MTMR2: variants seen among roughly 807,000 people sequenced by gnomAD.
MTMR2 encodes the protein myotubularin related protein 2.
In MTMR2, 55 loss-of-function variants were observed where a neutral mutation model predicts 86.9. That is an observed-to-expected ratio of 0.63 (90% CI 0.51 to 0.79). The LOEUF (loss-of-function observed/expected upper bound fraction) is 0.79. Ranked by LOEUF, MTMR2 falls within the 30% of genes least tolerant of loss-of-function variation. The pLI, the probability that MTMR2 is intolerant of heterozygous loss-of-function variation, is 0.00. For synonymous variants in MTMR2, 241 were observed against 266.8 expected, an observed-to-expected ratio of 0.90 and a Z score of 0.94; for missense variants, 659 against 772.3, an observed-to-expected ratio of 0.85 and a Z score of 1.74.
chr11:95,922,501 T>C (rs2135652935), intron 1 of MTMR2, among the ~76,000 whole-genome samples: 1 of 151,972 alleles, frequency 6.6e-6, no homozygotes, highest in Non-Finnish European at 1.5e-5. Context: ...ACGTGCAATA[T>C]ATATAATCAA....
chr11:95,857,389 G>T (rs1178796027), intron 7 of MTMR2, among the ~76,000 whole-genome samples, 163 bp downstream of exon 7: 2 of 152,060 alleles, frequency 1.3e-5, no homozygotes, highest in Non-Finnish European at 2.9e-5. Flanking sequence ...TAGGAAGAAT[G>T]ATATACTAAA....
intron 1 of MTMR2, among the ~76,000 whole-genome samples, chr11:95,912,371 CA>C (rs1369675867): frequency 6.6e-6 from 1 of 150,808 alleles, no homozygotes; most frequent in African/African-American, 2.4e-5. Context: ...ATGAAAAGAA[CA>C]AAAAAGTTTT....
At chr11:95,916,133 T>C (rs1866691348) in intron 1 of MTMR2, among the ~76,000 whole-genome samples, 1 of 152,106 alleles carries the variant, frequency 6.6e-6, no homozygotes, top group Admixed American at 6.6e-5. Context: ...CTGGCATAAG[T>C]GAAATATTGC....
intron 1 of MTMR2, among the ~76,000 whole-genome samples, chr11:95,891,425 T>C (rs1394432105): frequency 6.7e-6 from 1 of 149,400 alleles, no homozygotes; most frequent in Non-Finnish European, 1.5e-5. Flanking sequence ...CACTCCAGCC[T>C]GGGCAACAGA....
intron 2 of MTMR2, among the ~76,000 whole-genome samples, chr11:95,884,108 A>G (rs774527772): frequency 4.6e-5 from 7 of 152,208 alleles, no homozygotes; most frequent in Admixed American, 6.5e-5. Flanking sequence ...CATCACACAC[A>G]TAAGAGCCAA....
intron 1 of MTMR2, among the ~76,000 whole-genome samples, chr11:95,907,198 A>G (rs983439505): frequency 2.0e-5 from 3 of 152,166 alleles, no homozygotes; most frequent in African/African-American, 7.2e-5. Context: ...ACCAACCCCA[A>G]AGAAATACAA....
At chr11:95,854,868 G>T (rs1429106378) in intron 7 of MTMR2, among the ~76,000 whole-genome samples, 1 of 151,914 alleles carries the variant, frequency 6.6e-6, no homozygotes, top group Non-Finnish European at 1.5e-5. Flanking sequence ...GAGTGCAGTG[G>T]CATGCTCAGG....
chr11:95,849,159 C>A (rs1316298483), intron 9 of MTMR2, among the ~76,000 whole-genome samples: 1 of 151,938 alleles, frequency 6.6e-6, no homozygotes, highest in Non-Finnish European at 1.5e-5. Flanking sequence ...TTTCAATTTC[C>A]ACAATGCTAA....
At chr11:95,846,495 A>G (rs531251259) in intron 10 of MTMR2, among the ~76,000 whole-genome samples, 57 of 152,296 alleles carry the variant, frequency 3.7e-4, no homozygotes, top group African/African-American at 1.3e-3. Context: ...CTTATTTTGT[A>G]AAGAGGCTGG....
intron 2 of MTMR2, among the ~76,000 whole-genome samples, chr11:95,875,698 T>A (rs577140280): frequency 9.8e-5 from 15 of 152,320 alleles, no homozygotes; most frequent in African/African-American, 3.4e-4. Context: ...GTTTCCAGTT[T>A]TTCTGCTCTG....
chr11:95,878,310 A>G (rs1383197833), intron 2 of MTMR2, among the ~76,000 whole-genome samples: 1 of 151,080 alleles, frequency 6.6e-6, no homozygotes, highest in Non-Finnish European at 1.5e-5. Flanking sequence ...GAAAGAGGTG[A>G]CGCAAAGGGG....
At position 95,849,871 on chromosome 11, in the gene MTMR2, G is replaced by T. The variant is rs767328220; in HGVS notation, c.805-9C>A. On this transcript the variant is annotated splice_polypyrimidine_tract_variant and intron_variant, in intron 8 of 14. Coordinates refer to ENST00000346299, the MANE Select transcript of MTMR2 (RefSeq NM_016156.6). ...TGAATCCATGATAAAACCTTAATGA[G>T]GAAAAAATGGTAACACACCTTTTAC... 6.2e-7 allele frequency: 1 copy of T among 1,611,702 alleles called. No homozygotes were observed. Among genetic ancestry groups the T allele is most frequent in the Non-Finnish European group, 8.5e-7 (1 of 1,178,078 alleles).
rs183053752 is a variant in MTMR2 at position 95,853,778 on chromosome 11, T to A, written c.655-3029A>T. On this transcript the variant is annotated intron_variant, in intron 7 of 14. Coordinates refer to ENST00000346299, the MANE Select transcript of MTMR2 (RefSeq NM_016156.6). ...CCACTAGTATTTAGAAGGTATTATA[T>A]GAATTTGATAAATGCATGAATGAAT... Among the ~76,000 whole-genome samples the A allele has an allele frequency of 7.3e-3, 1,105 of 152,348 alleles. 12 individuals are homozygous for A. The highest frequency in any genetic ancestry group is 8.9e-3 in the Non-Finnish European group (607 of 68,038).
At chr11:95,871,618 T>C (rs1241933704) in intron 2 of MTMR2, among the ~76,000 whole-genome samples, 1 of 152,246 alleles carries the variant, frequency 6.6e-6, no homozygotes, top group Non-Finnish European at 1.5e-5. Context: ...GAGTTCATTG[T>C]AGATTCTGGA....
At chr11:95,838,319 A>T in intron 12 of MTMR2, 112 bp from the exon 13 acceptor site, 1 of 705,192 alleles carries the variant, frequency 1.4e-6, no homozygotes, top group Admixed American at 2.0e-5. Flanking sequence ...AAACATTCAA[A>T]TCTACATTAT....
chr11:95,921,114 CT>C (rs1247047515), intron 1 of MTMR2, among the ~76,000 whole-genome samples: 1 of 152,126 alleles, frequency 6.6e-6, no homozygotes, highest in East Asian at 1.9e-4. Context: ...TTTTACTAAG[CT>C]AAAGAGAAAG....
chr11:95,921,756 T>C (rs1186552807), intron 1 of MTMR2, among the ~76,000 whole-genome samples: 1 of 152,198 alleles, frequency 6.6e-6, no homozygotes, highest in South Asian at 2.1e-4. Context: ...TGGCATTCTC[T>C]TATGGAAAAT....
At chr11:95,884,271 A>C (rs1441477508) in intron 2 of MTMR2, among the ~76,000 whole-genome samples, 7 of 152,218 alleles carry the variant, frequency 4.6e-5, no homozygotes. Flanking sequence ...TTTTATTATA[A>C]AACTCTCCTT....
At chr11:95,850,529 C>G (rs117501732) in intron 8 of MTMR2, 71 bp downstream of exon 8, 526 of 1,438,858 alleles carry the variant, frequency 3.7e-4, no homozygotes, top group Non-Finnish European at 4.9e-4. Context: ...ATCCATTCTC[C>G]TACTCATTAA....
Sources: gnomAD v4.1 joint callset for allele counts (sites outside exome capture counted in the v4.1 genomes callset) on GRCh38, gnomAD v4.1.1 for gene constraint, MANE v1.5 for transcripts, NCBI Gene and HGNC (gene_info 2026-07-23, HGNC 2026-07-21) for gene names.